Variants in BRDT observed in about 807,000 individuals in gnomAD.
BRDT encodes the protein bromodomain testis-specific protein.
Under a neutral mutation model 113.9 loss-of-function variants are expected in BRDT, and 77 were observed. That is an observed-to-expected ratio of 0.68 (90% CI 0.56 to 0.82). The LOEUF (loss-of-function observed/expected upper bound fraction) is 0.82, where lower values mean the gene tolerates loss of function less well. Ranked by LOEUF, BRDT falls within the 40% of genes least tolerant of loss-of-function variation. The pLI is 0.00. For synonymous variants in BRDT, 358 were observed against 366.5 expected (o/e 0.98, Z 0.26); for missense variants, 1,027 against 1,105.4 (o/e 0.93, Z 1.01).
rs77923577 is a variant in BRDT, at chr1:91,979,116, CT to C, written c.1099-439del. Among the ~76,000 whole-genome samples the C allele has an allele frequency of 6.4e-3, 879 of 138,296 alleles. 5 individuals carry two copies. Among genetic ancestry groups the C allele is most frequent in the African/African-American group, 0.017 (640 of 37,822 alleles). The allele number at this position is 138,296 out of a possible 152,430, so 90.7% of individuals were successfully genotyped here. ...GTTTGGCAGGCAGAGAAGCATGAGT[CT>C]TTTTTTTTTTTTTGAGATGGAGTTT... On this transcript the variant is annotated intron_variant, in intron 7 of 18. Coordinates refer to ENST00000399546, the MANE Select transcript of BRDT (RefSeq NM_207189.4).
chr1:91,962,282 CTT>C lies in BRDT; in HGVS notation c.-37-424_-37-423del, dbSNP rs11310260. ...AAAAATTGATTCCTTTGCCATTTGG[CTT>C]TTTTTTTTTTTCATCCTGTCTTAAT... On this transcript the variant is annotated intron_variant, in intron 1 of 18. Transcript: ENST00000399546. Among the ~76,000 whole-genome samples the C allele has an allele frequency of 2.9e-3, 388 of 134,532 alleles. 14 individuals are homozygous for C. The highest frequency in any genetic ancestry group is 0.019 in the Middle Eastern group (5 of 264). The allele number at this position is 134,532 out of a possible 152,430, so 88.3% of individuals were successfully genotyped here.
chr1:92,005,408 G>A (rs1420585149), intron 18 of BRDT, 109 bp downstream of exon 18: 29 of 1,003,150 alleles, frequency 2.9e-5, no homozygotes, highest in Non-Finnish European at 3.8e-5. Flanking sequence ...CAGTGACAGT[G>A]GACTTACCTC....
At chr1:91,993,307 CTG>C (rs1685970128) in intron 14 of BRDT, among the ~76,000 whole-genome samples, 1 of 152,226 alleles carries the variant, frequency 6.6e-6, no homozygotes, top group Non-Finnish European at 1.5e-5. Flanking sequence ...TTATTTATCT[CTG>C]TACCATCTAC....
At chr1:91,970,456 G>A (rs1231093237) in intron 4 of BRDT, among the ~76,000 whole-genome samples, 1 of 151,926 alleles carries the variant, frequency 6.6e-6, no homozygotes, top group African/African-American at 2.4e-5. Context: ...TTACAGAGGT[G>A]GGGTCTCATT....
intron 18 of BRDT, among the ~76,000 whole-genome samples, chr1:92,006,233 TG>T (rs1448347106): frequency 6.6e-6 from 1 of 152,212 alleles, no homozygotes; most frequent in African/African-American, 2.4e-5. Context: ...CAGGCCAAGT[TG>T]GTTTATCTTC....
At chr1:91,951,827 T>G (rs1380577981) in intron 1 of BRDT, among the ~76,000 whole-genome samples, 1 of 151,856 alleles carries the variant, frequency 6.6e-6, no homozygotes, top group Non-Finnish European at 1.5e-5. Flanking sequence ...CAAGTTGAGT[T>G]GGGCAGCCAG....
At chr1:92,009,879 A>C (rs933063777) in intron 18 of BRDT, among the ~76,000 whole-genome samples, 1 of 151,688 alleles carries the variant, frequency 6.6e-6, no homozygotes, top group African/African-American at 2.4e-5. Context: ...CCCTGCCTTC[A>C]ATTTTGAAAG....
At chr1:91,963,029 AT>A in intron 2 of BRDT, 83 bp downstream of exon 2, 1 of 1,183,006 alleles carries the variant, frequency 8.5e-7, no homozygotes, top group Non-Finnish European at 1.2e-6. Flanking sequence ...CTTTAATATT[AT>A]AAAACATATT....
At chr1:91,986,661 TTC>T (rs1289460031) in intron 12 of BRDT, among the ~76,000 whole-genome samples, 1 of 152,212 alleles carries the variant, frequency 6.6e-6, no homozygotes, top group Non-Finnish European at 1.5e-5. Context: ...TTAAAAAACT[TTC>T]TTAGTTATGG....
intron 1 of BRDT, among the ~76,000 whole-genome samples, chr1:91,960,159 A>G (rs981915123): frequency 2.0e-5 from 3 of 152,210 alleles, no homozygotes; most frequent in African/African-American, 4.8e-5. Context: ...AAAATTAGAA[A>G]TATAATTGCC....
At chr1:91,982,334 C>T (rs924873575) in intron 12 of BRDT, among the ~76,000 whole-genome samples, 2 of 152,100 alleles carry the variant, frequency 1.3e-5, no homozygotes, top group Admixed American at 6.5e-5. Context: ...GCTCAAGTGC[C>T]ATATTATCTT....
At chr1:91,961,990 A>G (rs1423769171) in intron 1 of BRDT, among the ~76,000 whole-genome samples, 1 of 151,480 alleles carries the variant, frequency 6.6e-6, no homozygotes, top group Non-Finnish European at 1.5e-5. Context: ...CTAAAAATAC[A>G]AAAAGTTAGC....
chr1:91,965,362 A>G (rs1472242494), intron 3 of BRDT, among the ~76,000 whole-genome samples: 2 of 152,162 alleles, frequency 1.3e-5, no homozygotes, highest in Non-Finnish European at 2.9e-5. Flanking sequence ...CAAAATACCA[A>G]TGAGAGCTGG....
intron 1 of BRDT, among the ~76,000 whole-genome samples, chr1:91,952,747 C>T (rs1175572167): frequency 7.1e-6 from 1 of 141,736 alleles, no homozygotes; most frequent in Non-Finnish European, 1.5e-5. Flanking sequence ...AGTTCAAGAC[C>T]AGCCTGGGTA....
intron 4 of BRDT, 82 bp downstream of exon 4, chr1:91,968,342 G>A (rs975179816): frequency 1.5e-5 from 22 of 1,513,282 alleles, no homozygotes; most frequent in East Asian, 2.4e-5. Flanking sequence ...ATCCCTCAAA[G>A]GAGACAGACA....
Position 92,013,758 on chromosome 1 carries a change from G to A in BRDT, c.2776-448G>A, listed in dbSNP as rs1275740043. On this transcript the variant is annotated intron_variant, in intron 18 of 18. Coordinates refer to ENST00000399546, the MANE Select transcript of BRDT (RefSeq NM_207189.4). ...TTAGTAAGTGGCAGAATCAAGGAAA[G>A]CCCATAGTTTTAGCATTACATATTA... Among the ~76,000 whole-genome samples, 3 of 152,304 alleles carry A rather than the reference G, an allele frequency of 2.0e-5. No homozygotes were observed. In the East Asian group the frequency reaches 5.8e-4, roughly 29 times the overall value.
intron 12 of BRDT, among the ~76,000 whole-genome samples, chr1:91,985,686 T>A (rs1382641489): frequency 1.5e-5 from 2 of 135,826 alleles, no homozygotes; most frequent in African/African-American, 5.5e-5. Context: ...TTGCCCAGGC[T>A]GGAGTGCAGT....
chr1:91,984,751 C>G (rs962130409), intron 12 of BRDT, among the ~76,000 whole-genome samples: 1 of 152,104 alleles, frequency 6.6e-6, no homozygotes, highest in African/African-American at 2.4e-5. Flanking sequence ...CCTGCCTCAG[C>G]CTGCCAAGTA....
intron 1 of BRDT, among the ~76,000 whole-genome samples, chr1:91,959,815 A>G (rs1458863408): frequency 6.6e-6 from 1 of 152,156 alleles, no homozygotes; most frequent in Non-Finnish European, 1.5e-5. Context: ...ATTTCCATAT[A>G]TGTGTAACAT....
Sources: gnomAD v4.1 joint callset for allele counts (sites outside exome capture counted in the v4.1 genomes callset) on GRCh38, gnomAD v4.1.1 for gene constraint, MANE v1.5 for transcripts, NCBI Gene and HGNC (gene_info 2026-07-23, HGNC 2026-07-21) for gene names.